The following TRPC4 variants were observed in gnomAD, a reference collection of about 807,000 sequenced individuals.
TRPC4 encodes the protein transient receptor potential cation channel subfamily C member 4.
Under a neutral mutation model 99.4 loss-of-function variants are expected in TRPC4, and 49 were observed. The observed-to-expected ratio is 0.49, with a 90% CI of 0.39 to 0.63. TRPC4 has a LOEUF of 0.63. Ranked by LOEUF, TRPC4 falls within the 20% of genes least tolerant of loss-of-function variation. TRPC4 has a pLI of 0.00. For missense variants in TRPC4, 898 were observed against 1,152.9 expected (o/e 0.78, Z 3.20); for synonymous variants, 454 against 425.9 (o/e 1.07, Z -0.81).
chr13:37,807,513 AT>A (rs1957555323), intron 1 of TRPC4, among the ~76,000 whole-genome samples: 1 of 152,028 alleles, frequency 6.6e-6, no homozygotes, highest in African/African-American at 2.4e-5. Flanking sequence ...ATAATCATGA[AT>A]TTTAGTATCT....
intron 6 of TRPC4, among the ~76,000 whole-genome samples, chr13:37,662,009 G>A (rs1952458095): frequency 6.6e-6 from 1 of 152,010 alleles, no homozygotes; most frequent in Admixed American, 6.6e-5. Flanking sequence ...AGGAATACAG[G>A]ATCAAGAAGG....
chr13:37,719,623 T>G (rs1338251104), intron 3 of TRPC4, among the ~76,000 whole-genome samples: 1 of 152,158 alleles, frequency 6.6e-6, no homozygotes, highest in African/African-American at 2.4e-5. Context: ...ATGTTTATAA[T>G]GTATGGAATG....
intron 1 of TRPC4, among the ~76,000 whole-genome samples, chr13:37,825,013 G>A (rs1320560782): frequency 6.6e-6 from 1 of 151,902 alleles, no homozygotes; most frequent in Non-Finnish European, 1.5e-5. Context: ...GAGTGTATGT[G>A]TCGGGGAATT....
At chr13:37,762,418 G>A (rs975347716) in intron 2 of TRPC4, among the ~76,000 whole-genome samples, 4 of 151,450 alleles carry the variant, frequency 2.6e-5, no homozygotes, top group African/African-American at 7.3e-5. Flanking sequence ...ACATGCACAC[G>A]TATGTTTATT....
intron 2 of TRPC4, among the ~76,000 whole-genome samples, chr13:37,781,517 A>G (rs1956840544): frequency 6.6e-6 from 1 of 152,110 alleles, no homozygotes; most frequent in Non-Finnish European, 1.5e-5. Context: ...CTTAGTGGTG[A>G]AAGACTGGTA....
chr13:37,689,804 T>C (rs73186529), intron 4 of TRPC4, among the ~76,000 whole-genome samples: 2,514 of 152,318 alleles, frequency 0.017, 25 homozygotes, highest in Non-Finnish European at 0.026. Context: ...AAATATTATT[T>C]ACCATTTTAT....
intron 3 of TRPC4, among the ~76,000 whole-genome samples, chr13:37,741,758 G>A (rs558161704): frequency 2.0e-5 from 3 of 152,112 alleles, no homozygotes; most frequent in South Asian, 2.1e-4. Context: ...GGCTAGCAGC[G>A]TCAGTTTTCT....
chr13:37,728,952 G>A (rs80328038), intron 3 of TRPC4, among the ~76,000 whole-genome samples: 6,599 of 152,110 alleles, frequency 0.043, 198 homozygotes, highest in East Asian at 0.11. Context: ...TTCAACAAAT[G>A]GTGCTGGGAA....
intron 8 of TRPC4, among the ~76,000 whole-genome samples, chr13:37,647,006 C>T (rs775566620): frequency 1.5e-4 from 23 of 152,160 alleles, no homozygotes; most frequent in Non-Finnish European, 1.2e-4. Flanking sequence ...CCTGGAACTC[C>T]CAATCAACCA....
At chr13:37,836,771 G>A (rs936960029) in intron 1 of TRPC4, among the ~76,000 whole-genome samples, 3 of 152,188 alleles carry the variant, frequency 2.0e-5, no homozygotes, top group African/African-American at 7.2e-5. Flanking sequence ...ATTCAAGCTG[G>A]CTACAGAAAT....
intron 3 of TRPC4, among the ~76,000 whole-genome samples, chr13:37,702,806 A>G (rs1479655815): frequency 1.3e-5 from 2 of 152,184 alleles, no homozygotes; most frequent in African/African-American, 4.8e-5. Flanking sequence ...ATATAAAACC[A>G]TCTCCCATAT....
At chr13:37,641,282 G>A (rs1411021514) in intron 8 of TRPC4, among the ~76,000 whole-genome samples, 1 of 152,094 alleles carries the variant, frequency 6.6e-6, no homozygotes, top group East Asian at 1.9e-4. Context: ...GTCAAAAAGA[G>A]AGAGGAACAC....
intron 4 of TRPC4, among the ~76,000 whole-genome samples, chr13:37,685,272 T>A (rs1423015296): frequency 1.3e-5 from 2 of 152,104 alleles, no homozygotes; most frequent in Non-Finnish European, 2.9e-5. Context: ...AAATTCTACC[T>A]CTCACACTTT....
At chr13:37,770,607 T>C (rs990376864) in intron 2 of TRPC4, among the ~76,000 whole-genome samples, 2 of 151,550 alleles carry the variant, frequency 1.3e-5, no homozygotes, top group Non-Finnish European at 3.0e-5. Context: ...GTAATTTAAG[T>C]TGAGGTCAGG....
At chr13:37,819,529 A>C (rs931013206) in intron 1 of TRPC4, among the ~76,000 whole-genome samples, 5 of 152,038 alleles carry the variant, frequency 3.3e-5, no homozygotes, top group African/African-American at 1.2e-4. Context: ...AGGGACATGG[A>C]TGGGGCTGGA....
At chr13:37,736,426 G>T (rs140155236) in intron 3 of TRPC4, among the ~76,000 whole-genome samples, 3 of 152,112 alleles carry the variant, frequency 2.0e-5, no homozygotes, top group Non-Finnish European at 4.4e-5. Context: ...AATTCACATC[G>T]CTCAGTGTAG....
chr13:37,750,823 G>A (rs1366121610), intron 2 of TRPC4, among the ~76,000 whole-genome samples: 1 of 151,598 alleles, frequency 6.6e-6, no homozygotes, highest in Non-Finnish European at 1.5e-5. Context: ...GACAGGCCCC[G>A]GTGTGTGATG....
chr13:37,766,036 TA>T (rs1956355910), intron 2 of TRPC4, among the ~76,000 whole-genome samples: 1 of 151,458 alleles, frequency 6.6e-6, no homozygotes, highest in Non-Finnish European at 1.5e-5. Flanking sequence ...GCACATGAAT[TA>T]ATGTAGATTT....
At chr13:37,714,323 C>T (rs1954591461) in intron 3 of TRPC4, among the ~76,000 whole-genome samples, 1 of 152,028 alleles carries the variant, frequency 6.6e-6, no homozygotes. Context: ...GACAGGGTTT[C>T]ACCACGTTCA....
Sources: allele counts gnomAD v4.1 joint callset (sites outside exome capture counted in the v4.1 genomes callset), GRCh38; gene constraint gnomAD v4.1.1; transcripts MANE v1.5; gene names NCBI Gene and HGNC (gene_info 2026-07-23, HGNC 2026-07-21).